Variants in FRMD4B observed in about 807,000 individuals in gnomAD.
The protein encoded by FRMD4B is FERM domain containing 4B, also known as FERM domain-containing protein 4B.
A neutral mutation model predicts 141.5 loss-of-function variants in FRMD4B; 74 were observed. The observed-to-expected ratio is 0.52, with a 90% CI of 0.43 to 0.63. The LOEUF (loss-of-function observed/expected upper bound fraction) is 0.63, where lower values mean the gene tolerates loss of function less well. FRMD4B is among the 30% of genes least tolerant of loss of function. The pLI is 0.00. For synonymous variants in FRMD4B, 506 were observed against 467.9 expected (o/e 1.08, Z -1.05); for missense variants, 1,366 against 1,253.4 (o/e 1.09, Z -1.36).
At chr3:69,302,263 A>C (rs1279207966) in intron 4 of FRMD4B, 80 bp downstream of exon 4, 9 of 746,156 alleles carry the variant, frequency 1.2e-5, no homozygotes, top group Non-Finnish European at 1.9e-5. Flanking sequence ...AGAAATGTAA[A>C]AAATAGCAAA....
intron 1 of FRMD4B, chr3:69,353,533 A>G: frequency 1.0e-6 from 1 of 979,904 alleles, no homozygotes; most frequent in Non-Finnish European, 1.2e-6. Flanking sequence ...ATAAAAAAAA[A>G]TCATTCTTAC....
intron 1 of FRMD4B, among the ~76,000 whole-genome samples, chr3:69,468,105 T>C (rs1705824760): frequency 6.6e-6 from 1 of 152,220 alleles, no homozygotes; most frequent in Non-Finnish European, 1.5e-5. Flanking sequence ...AGATCAAATT[T>C]TTCCTGCTAC....
At chr3:69,239,364 T>C (rs1263001613) in intron 7 of FRMD4B, among the ~76,000 whole-genome samples, 1 of 152,206 alleles carries the variant, frequency 6.6e-6, no homozygotes, top group Non-Finnish European at 1.5e-5. Flanking sequence ...AGGGGACAAT[T>C]ACTCTGCCCA....
intron 1 of FRMD4B, among the ~76,000 whole-genome samples, chr3:69,315,552 T>C (rs956823070): frequency 6.6e-6 from 1 of 152,266 alleles, no homozygotes; most frequent in Non-Finnish European, 1.5e-5. Context: ...GTTTCTTTCT[T>C]TTTCAATTTC....
intron 2 of FRMD4B, among the ~76,000 whole-genome samples, chr3:69,414,304 T>C (rs1311894827): frequency 1.3e-5 from 2 of 152,120 alleles, no homozygotes; most frequent in Non-Finnish European, 2.9e-5. Flanking sequence ...AGACTGTCCG[T>C]CAAGCAGATG....
intron 1 of FRMD4B, among the ~76,000 whole-genome samples, chr3:69,508,369 T>C (rs1378311532): frequency 6.6e-6 from 1 of 152,222 alleles, no homozygotes; most frequent in Non-Finnish European, 1.5e-5. Flanking sequence ...AAAATATCAA[T>C]TTTATCAACA....
chr3:69,424,894 T>G (rs1705051350), intron 2 of FRMD4B, among the ~76,000 whole-genome samples: 1 of 152,190 alleles, frequency 6.6e-6, no homozygotes, highest in Admixed American at 6.5e-5. Context: ...AGATGTAATA[T>G]AGAAAAATCA....
At position 69,305,147 on chromosome 3, in the gene FRMD4B, G is replaced by C. The variant is rs7653552; in HGVS notation, c.324-2712C>G. Among the ~76,000 whole-genome samples, 943 of 152,232 alleles carry C rather than the reference G, an allele frequency of 6.2e-3. 9 individuals are homozygous for C. Among genetic ancestry groups the C allele is most frequent in the African/African-American group, 0.022 (900 of 41,534 alleles). On this transcript the variant is annotated intron_variant, in intron 3 of 22. Transcript: ENST00000398540. ...TTCCCTCCACCCACCACCCTACCCA[G>C]TGGACTTGTATATAAAAGTACCCGG... is the stretch of plus-strand genomic sequence containing the variant.
chr3:69,385,068 A>T (rs1704215247), intron 1 of FRMD4B, among the ~76,000 whole-genome samples: 1 of 116,906 alleles, frequency 8.6e-6, no homozygotes, highest in South Asian at 2.3e-4. Context: ...ATTACTGTCT[A>T]AAAAAAAAAA....
chr3:69,274,511 TTTTTTA>T (rs1184357777), intron 5 of FRMD4B, among the ~76,000 whole-genome samples: 1 of 152,022 alleles, frequency 6.6e-6, no homozygotes, highest in Non-Finnish European at 1.5e-5. Context: ...GATTCTTTAT[TTTTTTA>T]TTTTTATTTT....
chr3:69,441,075 A>G (rs1458308038), intron 1 of FRMD4B, among the ~76,000 whole-genome samples: 1 of 152,142 alleles, frequency 6.6e-6, no homozygotes, highest in Non-Finnish European at 1.5e-5. Context: ...TTTGAAACCC[A>G]AATCTGAAGA....
chr3:69,348,579 T>A (rs182771998), intron 1 of FRMD4B, among the ~76,000 whole-genome samples: 1 of 152,236 alleles, frequency 6.6e-6, no homozygotes, highest in East Asian at 1.9e-4. Flanking sequence ...GATGCAAAGA[T>A]CCTCAGTAAA....
intron 5 of FRMD4B, among the ~76,000 whole-genome samples, chr3:69,279,124 A>G (rs924659914): frequency 3.3e-5 from 5 of 152,228 alleles, no homozygotes; most frequent in African/African-American, 4.8e-5. Context: ...AAATGAAAAA[A>G]TCCTTAAGAC....
chr3:69,536,768 A>G (rs111459943), intron 1 of FRMD4B: 107,746 of 491,054 alleles, frequency 0.22, 12,511 homozygotes, highest in South Asian at 0.24. Flanking sequence ...ATTTTTTGAG[A>G]CAGAGTCTTG....
rs1460106706 is a variant in FRMD4B, at chr3:69,323,236, C to T, written c.163-9719G>A. On this transcript the variant is annotated intron_variant, in intron 1 of 22. Coordinates refer to ENST00000398540, the MANE Select transcript of FRMD4B (RefSeq NM_015123.3). ...AAAGATAACAGCTGCTGACTGTGTG[C>T]CTGATAACTATCCCAAATCCTTTCA... 2.0e-5 allele frequency among the ~76,000 whole-genome samples: 3 copies of T among 152,028 alleles called. No homozygotes were observed. In the East Asian group the frequency reaches 5.8e-4, roughly 29 times the overall value.
chr3:69,289,272 G>T lies in FRMD4B; in HGVS notation c.417-1436C>A, dbSNP rs187127706. Among the ~76,000 whole-genome samples, 430 of 152,254 alleles carry T rather than the reference G, an allele frequency of 2.8e-3. 2 individuals carry two copies. The highest frequency in any genetic ancestry group is 9.0e-3 in the African/African-American group (374 of 41,542). Reference sequence around the variant, plus strand: ...TTGTGTCTTTTTTAAATTGAATGTCGTGACTGTACTTATCTCTGAGGAAAG... The same window carrying T: ...TTGTGTCTTTTTTAAATTGAATGTCTTGACTGTACTTATCTCTGAGGAAAG... On this transcript the variant is annotated intron_variant, in intron 4 of 22. Coordinates refer to ENST00000398540, the MANE Select transcript of FRMD4B (RefSeq NM_015123.3).
chr3:69,288,843 C>T (rs903945409), intron 4 of FRMD4B, among the ~76,000 whole-genome samples: 21 of 152,312 alleles, frequency 1.4e-4, no homozygotes, highest in Middle Eastern at 3.4e-3. Flanking sequence ...CTTAGCTCTG[C>T]GGAATCCTGA....
chr3:69,239,040 C>G (rs1285596882), intron 7 of FRMD4B, among the ~76,000 whole-genome samples: 2 of 152,116 alleles, frequency 1.3e-5, no homozygotes, highest in Non-Finnish European at 2.9e-5. Context: ...TTTGCTAAAT[C>G]TGGCAACTCT....
rs57501693 is a variant in FRMD4B, at chr3:69,169,375, T to A, written c.*2486A>T. ...TTTCTTTTTTTTTTTTTTTTTTTTT[T>A]CTTGAGACAAGGTCTGTTATTGCCT... On this transcript the variant is annotated 3_prime_UTR_variant, in exon 23 of 23. Transcript: ENST00000398540. 3.2e-5 allele frequency among the ~76,000 whole-genome samples: 4 copies of A among 124,604 alleles called. No homozygotes were observed. Among genetic ancestry groups the A allele is most frequent in the Non-Finnish European group, 5.0e-5 (3 of 59,452 alleles). 81.7% of individuals were successfully genotyped at this position (124,604 alleles called of 152,430 possible). A position where few individuals can be genotyped will look rare whatever the true frequency, so the allele number is the denominator to read the frequency against.
Sources: allele counts gnomAD v4.1 joint callset (sites outside exome capture counted in the v4.1 genomes callset), GRCh38; gene constraint gnomAD v4.1.1; transcripts MANE v1.5; gene names NCBI Gene and HGNC (gene_info 2026-07-23, HGNC 2026-07-21).